The following CD36 variants were observed in gnomAD, a reference collection of about 807,000 sequenced individuals.
CD36 encodes platelet glycoprotein 4.
A neutral mutation model predicts 55.2 loss-of-function variants in CD36; 119 were observed. The observed-to-expected ratio is 2.15, with a 90% confidence interval of 1.86 to 2.51. CD36 has a LOEUF of 2.51. CD36 is among the 30% of genes most tolerant of loss of function. CD36 has a pLI of 0.00. For synonymous variants in CD36, 186 were observed against 193.6 expected (o/e 0.96, Z 0.33); for missense variants, 819 against 555.5 (o/e 1.47, Z -4.77).
At chr7:80,670,163 A>G (rs1441085621) in intron 9 of CD36, 141 bp downstream of exon 9, 2 of 665,816 alleles carry the variant, frequency 3.0e-6, no homozygotes, top group African/African-American at 3.7e-5. Context: ...GCATCTTCCA[A>G]TTTTTAATAG....
chr7:80,655,388 C>T (rs1350123027), intron 3 of CD36, among the ~76,000 whole-genome samples: 1 of 152,010 alleles, frequency 6.6e-6, no homozygotes, highest in African/African-American at 2.4e-5. Flanking sequence ...TGAAGTTGAC[C>T]CTAGGGAGGT....
At chr7:80,625,428 C>G (rs996714277) in intron 1 of CD36, among the ~76,000 whole-genome samples, 5 of 152,068 alleles carry the variant, frequency 3.3e-5, no homozygotes, top group Middle Eastern at 3.2e-3. Context: ...AAAGAGAGTA[C>G]AGGAGGCCAT....
In CD36 at chr7:80,678,329, A is replaced by G. The variant is rs1411415678; in HGVS notation, c.*1946A>G. 6.6e-6 allele frequency: 1 copy of G among 152,184 alleles called. No homozygotes were observed. Among genetic ancestry groups the G allele is most frequent in the Non-Finnish European group, 1.5e-5 (1 of 68,036 alleles). The allele number at this position is 152,184 out of a possible 1,614,324, so 9.4% of individuals were successfully genotyped here. A position where few individuals can be genotyped will look rare whatever the true frequency, so the allele number is the denominator to read the frequency against. On this transcript the variant is annotated 3_prime_UTR_variant, in exon 15 of 15. Transcript: ENST00000447544. ...AAAGCTGGTTATTAACCACAGAATT[A>G]TAGCAGGTATTCATAACTTAAGTTT... is the stretch of plus-strand genomic sequence containing the variant.
At chr7:80,619,038 G>A (rs1194674728) in intron 1 of CD36, among the ~76,000 whole-genome samples, 2 of 152,088 alleles carry the variant, frequency 1.3e-5, no homozygotes, top group East Asian at 3.9e-4. Context: ...TCTAGTTAAG[G>A]GCTAATGCAG....
chr7:80,673,883 C>CACCA, intron 13 of CD36, 100 bp from the exon 14 acceptor site: 1 of 863,114 alleles, frequency 1.2e-6, no homozygotes, highest in Non-Finnish European at 1.9e-6. Context: ...TGATGACTAA[C>CACCA]ACCAATAGAG....
chr7:80,675,210 A>G (rs1283757019), intron 14 of CD36, among the ~76,000 whole-genome samples: 1 of 152,114 alleles, frequency 6.6e-6, no homozygotes, highest in African/African-American at 2.4e-5. Flanking sequence ...GCTAGCCTAA[A>G]ATGTTCACAT....
At position 80,629,906 on chromosome 7, in the gene CD36, T is replaced by A. The variant is rs1366233321; in HGVS notation, c.-183-16182T>A. On this transcript the variant is annotated intron_variant, in intron 1 of 13. Transcript: ENST00000309881. ...ATAAATTCAATAGTAGCCTTTTTTT[T>A]TTTTTGGTATCATGAAAAAAAGTAT... 3.3e-5 allele frequency among the ~76,000 whole-genome samples: 5 copies of A among 152,042 alleles called. No individual in the cohort carries two copies. In the East Asian group the frequency reaches 9.7e-4, roughly 29 times the overall value.
intron 12 of CD36, 143 bp from the exon 13 acceptor site, chr7:80,673,209 AAAC>A (rs1584471187): frequency 1.9e-6 from 1 of 535,684 alleles, no homozygotes; most frequent in East Asian, 3.0e-5. Context: ...AGGAAGTCAA[AAAC>A]AACTATATTA....
rs765947291 is a variant in CD36, at chr7:80,674,151, AGTAT to A, written c.*8_*11del. The stretch of plus-strand genomic sequence containing the variant: ...CAGATCGAAAACAATAAAATAAGTA[AGTAT>A]GTACCAAAAAATATTGCTTCAATAA... On this transcript the variant is annotated splice_donor_5th_base_variant and intron_variant, in intron 14 of 14. Coordinates refer to ENST00000447544, the MANE Select transcript of CD36 (RefSeq NM_001001548.3). 4.5e-5 allele frequency: 71 copies of A among 1,580,084 alleles called. No homozygotes were observed. Among genetic ancestry groups the A allele is most frequent in the Non-Finnish European group, 5.8e-5 (67 of 1,151,126 alleles).
At chr7:80,609,712 A>T (rs1792770366) in intron 1 of CD36, among the ~76,000 whole-genome samples, 1 of 152,264 alleles carries the variant, frequency 6.6e-6, no homozygotes, top group Non-Finnish European at 1.5e-5. Context: ...AACAAAGTTG[A>T]TGATTCAAAC....
At chr7:80,646,569 G>A (rs534111289) in intron 2 of CD36, 83 bp from the exon 3 acceptor site, 46 of 744,000 alleles carry the variant, frequency 6.2e-5, no homozygotes, top group East Asian at 3.8e-4. Context: ...AAAATGATAC[G>A]TTTCAGTGGG....
intron 1 of CD36, among the ~76,000 whole-genome samples, chr7:80,631,898 T>C (rs1794092397): frequency 6.6e-6 from 1 of 151,892 alleles, no homozygotes; most frequent in South Asian, 2.1e-4. Context: ...TATAATGCTT[T>C]GTTAAAACCA....
intron 14 of CD36, chr7:80,674,374 T>C (rs1369080557): frequency 4.2e-6 from 2 of 477,300 alleles, no homozygotes; most frequent in African/African-American, 2.0e-5. Flanking sequence ...CTTGTGACCA[T>C]TGTAACAATA....
At chr7:80,631,555 A>T (rs367753239) in intron 1 of CD36, among the ~76,000 whole-genome samples, 2 of 146,992 alleles carry the variant, frequency 1.4e-5, no homozygotes, top group Admixed American at 6.8e-5. Flanking sequence ...TAAGTTTGCA[A>T]TTTTTTTTTT....
intron 1 of CD36, among the ~76,000 whole-genome samples, chr7:80,639,263 A>G (rs142291723): frequency 6.0e-4 from 92 of 152,100 alleles, no homozygotes; most frequent in African/African-American, 2.2e-3. Flanking sequence ...CTTGCTCTAC[A>G]TGATCAAATG....
chr7:80,620,283 C>A (rs1011684617), intron 1 of CD36, among the ~76,000 whole-genome samples: 29 of 152,038 alleles, frequency 1.9e-4, no homozygotes, highest in African/African-American at 6.8e-4. Flanking sequence ...GAGCTTAGTC[C>A]CCAAGATTGC....
intron 1 of CD36, among the ~76,000 whole-genome samples, chr7:80,606,359 T>G (rs565228264): frequency 2.6e-5 from 4 of 152,270 alleles, no homozygotes; most frequent in Non-Finnish European, 5.9e-5. Flanking sequence ...CTGGCTGGGT[T>G]TGTTTATTTT....
chr7:80,673,703 A>AAATAGGAAAAACATTGAAT (rs1474209853), intron 13 of CD36: 16 of 558,882 alleles, frequency 2.9e-5, no homozygotes, highest in Middle Eastern at 9.4e-4. Flanking sequence ...ATAGCTATAA[A>AAATAGGAAAAACATTGAAT]AATAGGAAAA....
At chr7:80,608,268 C>T (rs1226208710) in intron 1 of CD36, among the ~76,000 whole-genome samples, 4 of 152,140 alleles carry the variant, frequency 2.6e-5, no homozygotes, top group Non-Finnish European at 5.9e-5. Context: ...CTGCAAAGCA[C>T]TCTAAAAATA....
Sources: allele counts gnomAD v4.1 joint callset (sites outside exome capture counted in the v4.1 genomes callset), GRCh38; gene constraint gnomAD v4.1.1; transcripts MANE v1.5; gene names NCBI Gene and HGNC (gene_info 2026-07-23, HGNC 2026-07-21).